Variants in PES1 observed in about 807,000 individuals in gnomAD.
PES1 encodes pescadillo homolog.
PES1 carries 31 observed loss-of-function variants against 77.1 expected under a neutral mutation model. That is an observed-to-expected ratio of 0.40 (90% CI 0.30 to 0.54). The LOEUF is 0.54. Ranked by LOEUF, PES1 falls within the 20% of genes least tolerant of loss-of-function variation. The pLI, the probability that PES1 is intolerant of heterozygous loss-of-function variation, is 0.45. For synonymous variants in PES1, 282 were observed against 303.0 expected, an observed-to-expected ratio of 0.93 and a Z score of 0.72; for missense variants, 658 against 771.7, an observed-to-expected ratio of 0.85 and a Z score of 1.75.
intron 6 of PES1, among the ~76,000 whole-genome samples, chr22:30,582,661 C>CG (rs2087004841): frequency 2.0e-5 from 3 of 152,170 alleles, no homozygotes; most frequent in Non-Finnish European, 4.4e-5. Flanking sequence ...CCGGGTGTGC[C>CG]CATGACTCTT....
chr22:30,580,135 C>A lies in PES1; in HGVS notation c.1087G>T (p.Gly363Trp), dbSNP rs1381644656. 2 of 1,614,064 alleles carry A rather than the reference C, an allele frequency of 1.2e-6. No individual in the cohort carries two copies. Among genetic ancestry groups the A allele is most frequent in the Non-Finnish European group, 1.7e-6 (2 of 1,179,992 alleles). The change falls in exon 11 of 15, where the codon GGG (glycine) becomes TGG (tryptophan). Residue 363 changes from glycine (G) to tryptophan (W), a missense_variant. Gly to Trp is a radical substitution (Grantham distance 184, BLOSUM62 -2). Coordinates refer to ENST00000354694, the MANE Select transcript of PES1 (RefSeq NM_014303.4). The part of the protein sequence containing the change: ...EVSWDKSLCI[G>W]ATYDVTDSRI... ...GAGTCTGTGACGTCATAGGTGGCCC[C>A]AATGCACAAAGATTTGTCCCAGGAC...
At chr22:30,606,797 A>G (rs1451477230) in intron 1 of PES1, 10 of 983,524 alleles carry the variant, frequency 1.0e-5, no homozygotes, top group Non-Finnish European at 1.2e-5. Context: ...TGACTCCAGC[A>G]ATGCTGCTCA....
At chr22:30,604,802 G>A (rs954805736) in intron 2 of PES1, among the ~76,000 whole-genome samples, 2 of 152,032 alleles carry the variant, frequency 1.3e-5, no homozygotes, top group African/African-American at 4.8e-5. Context: ...ATCTGGCCAG[G>A]TGCAGTGGTT....
rs1210779167 is a variant in PES1, at chr22:30,597,876, A to ATTTTTTTTTTTTTTTTTTTTTTTTTT, written c.-660-5479_-660-5478insAAAAAAAAAAAAAAAAAAAAAAAAAA. On this transcript the variant is annotated intron_variant, in intron 2 of 16. Transcript: ENST00000402281. ...CTCGGTTTTTTTTCCACGCAGTTGA[A>ATTTTTTTTTTTTTTTTTTTTTTTTTT]GTTTTGTTTTTTTTTTTTTTGTTTT... Among the ~76,000 whole-genome samples, 25 of 125,162 alleles carry ATTTTTTTTTTTTTTTTTTTTTTTTTT rather than the reference A, an allele frequency of 2.0e-4. 1 individual carries two copies. The highest frequency in any genetic ancestry group is 7.1e-4 in the African/African-American group (23 of 32,432). 82.1% of individuals were successfully genotyped at this position (125,162 alleles called of 152,430 possible). A position where few individuals can be genotyped will look rare whatever the true frequency, so the allele number is the denominator to read the frequency against.
At position 30,581,780 on chromosome 22, in the gene PES1, C is replaced by T. The variant is rs774673976; in HGVS notation, c.631-136G>A. 8 of 669,260 alleles carry T rather than the reference C, an allele frequency of 1.2e-5. No individual in the cohort carries two copies. In the Admixed American group the frequency reaches 1.3e-4, roughly 11 times the overall value. 41.5% of individuals were successfully genotyped at this position (669,260 alleles called of 1,614,324 possible). A position where few individuals can be genotyped will look rare whatever the true frequency, so the allele number is the denominator to read the frequency against. On this transcript the variant is annotated intron_variant, in intron 6 of 14. Coordinates refer to ENST00000354694, the MANE Select transcript of PES1 (RefSeq NM_014303.4). ...CCTCAAGAAGGCTCTGCCCTTAAGG[C>T]GCTGCCCTAGGGAAGGGGTGGCATG...
chr22:30,581,338 A>T lies in PES1; in HGVS notation c.818T>A (p.Met273Lys), dbSNP rs550496461. ...GATGCTCCTGGAGCCTCTCACCTCCATACAACTCTCGGAGTCCAACGCGTA... is the reference window on the plus strand; with the variant it reads ...GATGCTCCTGGAGCCTCTCACCTCCTTACAACTCTCGGAGTCCAACGCGTA... ...GTYALDSESCMEKLAALSASL... is the reference protein window; with the variant it reads ...GTYALDSESCKEKLAALSASL... Residue 273 changes from methionine to lysine, a missense_variant, in exon 8 of 15, where the codon ATG becomes AAG. Coordinates refer to ENST00000354694, the MANE Select transcript of PES1 (RefSeq NM_014303.4). 1.9e-6 allele frequency: 3 copies of T among 1,613,698 alleles called. No individual in the cohort carries two copies. The African/African-American group carries it at 4.0e-5, about 22-fold the overall frequency.
chr22:30,587,955 C>T, intron 3 of PES1, 66 bp downstream of exon 3: 1 of 1,537,032 alleles, frequency 6.5e-7, no homozygotes, highest in Non-Finnish European at 9.0e-7. Context: ...TGCCCAAGGT[C>T]ACAGTTAGTT....
intron 1 of PES1, among the ~76,000 whole-genome samples, chr22:30,590,341 G>T (rs575877766): frequency 1.3e-5 from 2 of 152,290 alleles, no homozygotes; most frequent in Admixed American, 1.3e-4. Context: ...ATCTTCCTCT[G>T]GACTAAGACA....
rs1569031688 is a variant in PES1 at position 30,598,884 on chromosome 22, A to ATTTT, written c.-660-6487_-660-6486insAAAA. Among the ~76,000 whole-genome samples the ATTTT allele has an allele frequency of 1.7e-4, 8 of 46,324 alleles. 1 individual carries two copies. The highest frequency in any genetic ancestry group is 5.2e-4 in the African/African-American group (7 of 13,420). The allele number at this position is 46,324 out of a possible 152,430, so 30.4% of individuals were successfully genotyped here. On this transcript the variant is annotated intron_variant, in intron 2 of 16. Transcript: ENST00000402281. ...TTTCAAGTTTATGTGACTTAAGTAA[A>ATTTT]ATTTTTTTTTTTTTTTTTTTTTTTT...
intron 14 of PES1, 106 bp from the exon 15 acceptor site, chr22:30,577,235 T>C: frequency 2.2e-6 from 2 of 905,630 alleles, no homozygotes; most frequent in Non-Finnish European, 3.6e-6. Flanking sequence ...CAAGAAAAGG[T>C]CACAAATTCT....
At position 30,576,854 on chromosome 22, in the gene PES1, C is replaced by T. The variant is rs2086906581; in HGVS notation, c.*192G>A. 1 of 599,164 alleles carries T rather than the reference C, an allele frequency of 1.7e-6. No individual in the cohort carries two copies. The allele number at this position is 599,164 out of a possible 1,614,324, so 37.1% of individuals were successfully genotyped here. A position where few individuals can be genotyped will look rare whatever the true frequency, so the allele number is the denominator to read the frequency against. On this transcript the variant is annotated 3_prime_UTR_variant, in exon 15 of 15. Coordinates refer to ENST00000354694, the MANE Select transcript of PES1 (RefSeq NM_014303.4). ...AGAGGCCTCTTCTCTGACCAGGCAC[C>T]AGCAGGGCAGCTCCATCCAAGGGAA...
intron 6 of PES1, 152 bp downstream of exon 6, chr22:30,584,213 T>G: frequency 1.5e-6 from 1 of 650,960 alleles, no homozygotes; most frequent in Non-Finnish European, 2.8e-6. Context: ...ATGAGGATGC[T>G]GTGTGGCACA....
At chr22:30,595,251 G>A (rs954471038), upstream of PES1, among the ~76,000 whole-genome samples, 1 of 151,916 alleles carries the variant, frequency 6.6e-6, no homozygotes, top group Admixed American at 6.6e-5. Context: ...TAAAGAACTC[G>A]GAGACTGGCT....
Position 30,580,033 on chromosome 22 carries a change from G to A in PES1, c.1169+20C>T, listed in dbSNP as rs756044662. On this transcript the variant is annotated intron_variant, in intron 11 of 14. Coordinates refer to ENST00000354694, the MANE Select transcript of PES1 (RefSeq NM_014303.4). ...AGACAGGATACCCAGAAATCCGGAC[G>A]AGGACCCTTGAGGGCCTACCTGCCA... 21 of 1,612,954 alleles carry A rather than the reference G, an allele frequency of 1.3e-5. No homozygotes were observed. Among genetic ancestry groups the A allele is most frequent in the South Asian group, 8.8e-5 (8 of 90,932 alleles).
At chr22:30,606,848 C>T in exon 1 of PES1, 4 of 1,016,062 alleles carry the variant, frequency 3.9e-6, no homozygotes, top group Non-Finnish European at 4.7e-6. Flanking sequence ...ACTCCTTGTC[C>T]TGGGCTAGGT....
chr22:30,606,376 G>A (rs1205184048), intron 1 of PES1, among the ~76,000 whole-genome samples: 16 of 151,856 alleles, frequency 1.1e-4, no homozygotes, highest in African/African-American at 2.7e-4. Flanking sequence ...GATTACAGAC[G>A]TCTGCCACCA....
At chr22:30,588,391 T>C (rs952804184) in intron 2 of PES1, among the ~76,000 whole-genome samples, 10 of 152,018 alleles carry the variant, frequency 6.6e-5, no homozygotes, top group Non-Finnish European at 2.9e-5. Flanking sequence ...TTCTGAGATA[T>C]CAACATTTCA....
intron 2 of PES1, among the ~76,000 whole-genome samples, chr22:30,604,286 TA>T (rs888085672): frequency 1.3e-5 from 2 of 152,000 alleles, no homozygotes; most frequent in Non-Finnish European, 2.9e-5. Flanking sequence ...AAATAATCAG[TA>T]AAAAAAGTAG....
rs941252012 is a variant in PES1, at chr22:30,581,199, G to A, written c.823-98C>T. On this transcript the variant is annotated intron_variant, in intron 8 of 14. Coordinates refer to ENST00000354694, the MANE Select transcript of PES1 (RefSeq NM_014303.4). ...CAGTGACAGTCCTGGGCATCAGCAG[G>A]TGTGGGTTCCAAGGGCAGGCTGAGA... 2.2e-6 allele frequency: 3 copies of A among 1,345,242 alleles called. No individual in the cohort carries two copies. In the African/African-American group the frequency reaches 4.3e-5, roughly 19 times the overall value. The allele number at this position is 1,345,242 out of a possible 1,614,324, so 83.3% of individuals were successfully genotyped here. A position where few individuals can be genotyped will look rare whatever the true frequency, so the allele number is the denominator to read the frequency against.
Sources: allele counts gnomAD v4.1 joint callset (sites outside exome capture counted in the v4.1 genomes callset), GRCh38; gene constraint gnomAD v4.1.1; transcripts MANE v1.5; gene names NCBI Gene and HGNC (gene_info 2026-07-23, HGNC 2026-07-21).